Variants in MGAT4C observed in about 807,000 individuals in gnomAD.
The protein encoded by MGAT4C is alpha-1,3-mannosyl-glycoprotein 4-beta-N-acetylglucosaminyltransferase C.
In MGAT4C, 19 loss-of-function variants were observed where a neutral mutation model predicts 40.1. The observed-to-expected ratio is 0.47, with a 90% CI of 0.33 to 0.70. The LOEUF (loss-of-function observed/expected upper bound fraction) is 0.70. Ranked by LOEUF, MGAT4C falls within the 30% of genes least tolerant of loss-of-function variation. The probability of loss-of-function intolerance (pLI) is 0.02; values close to 1 mark genes in which losing one functional copy is unlikely to be tolerated. For synonymous variants in MGAT4C, 181 were observed against 187.1 expected (o/e 0.97, Z 0.27); for missense variants, 491 against 563.2 (o/e 0.87, Z 1.30).
chr12:86,361,023 G>A (rs372457102), intron 3 of MGAT4C, among the ~76,000 whole-genome samples: 1 of 116,068 alleles, frequency 8.6e-6, no homozygotes, highest in African/African-American at 3.2e-5. Flanking sequence ...AGCCTGCATT[G>A]CAAGGACAAT....
intron 1 of MGAT4C, among the ~76,000 whole-genome samples, chr12:86,761,152 T>G (rs1366231479): frequency 6.6e-6 from 1 of 152,194 alleles, no homozygotes. Context: ...TTGAGTTTTG[T>G]GGTTGGCCTC....
At chr12:86,389,583 G>A (rs1429939004) in intron 3 of MGAT4C, among the ~76,000 whole-genome samples, 2 of 152,084 alleles carry the variant, frequency 1.3e-5, no homozygotes, top group Non-Finnish European at 2.9e-5. Flanking sequence ...TGGGTCAAAT[G>A]GTATTTCTGT....
chr12:86,292,170 C>T (rs1953534263), intron 4 of MGAT4C, among the ~76,000 whole-genome samples: 1 of 152,046 alleles, frequency 6.6e-6, no homozygotes, highest in Non-Finnish European at 1.5e-5. Flanking sequence ...ACTGAGATTT[C>T]TGGATGTTTG....
chr12:86,703,088 G>A (rs906175078), intron 2 of MGAT4C, among the ~76,000 whole-genome samples: 2 of 152,092 alleles, frequency 1.3e-5, no homozygotes, highest in Non-Finnish European at 2.9e-5. Flanking sequence ...AAAATGGCAA[G>A]GGAACTAGAG....
intron 1 of MGAT4C, among the ~76,000 whole-genome samples, chr12:86,112,726 A>C (rs1174694490): frequency 6.6e-6 from 1 of 151,832 alleles, no homozygotes; most frequent in Non-Finnish European, 1.5e-5. Context: ...GAAATAATTA[A>C]TGAACTAGAT....
At chr12:86,351,858 C>T (rs1955168299) in intron 3 of MGAT4C, among the ~76,000 whole-genome samples, 1 of 151,958 alleles carries the variant, frequency 6.6e-6, no homozygotes, top group Non-Finnish European at 1.5e-5. Context: ...ACAGTTAAAA[C>T]TGAAACTATT....
At chr12:86,581,709 T>C (rs116738863) in intron 2 of MGAT4C, among the ~76,000 whole-genome samples, 1,930 of 79,418 alleles carry the variant, frequency 0.024, 43 homozygotes, top group African/African-American at 0.065. Context: ...ATGTCTGTTA[T>C]GGATCAATAT....
chr12:86,212,891 CAAAAA>C (rs71076172), intron 1 of MGAT4C, among the ~76,000 whole-genome samples: 425 of 22,376 alleles, frequency 0.019, 2 homozygotes, highest in African/African-American at 0.028. Context: ...GACTCCGTCT[CAAAAA>C]AAAAAAAAAA....
chr12:86,761,706 A>G (rs944953816), intron 1 of MGAT4C, among the ~76,000 whole-genome samples: 2 of 152,070 alleles, frequency 1.3e-5, no homozygotes, highest in Non-Finnish European at 1.5e-5. Context: ...GGCCACCTGT[A>G]TTCCTTGGCT....
At chr12:86,186,353 T>A (rs906313565) in intron 1 of MGAT4C, among the ~76,000 whole-genome samples, 7 of 152,184 alleles carry the variant, frequency 4.6e-5, no homozygotes, top group Non-Finnish European at 1.0e-4. Context: ...ATAACTGACA[T>A]GCTGAGGTCA....
At chr12:85,989,754 T>C (rs1885668794) in intron 2 of MGAT4C, among the ~76,000 whole-genome samples, 1 of 152,056 alleles carries the variant, frequency 6.6e-6, no homozygotes, top group African/African-American at 2.4e-5. Flanking sequence ...TTTATATTAA[T>C]GTAGAGTAAA....
chr12:86,158,080 G>A (rs772875447), intron 1 of MGAT4C, among the ~76,000 whole-genome samples: 1 of 152,068 alleles, frequency 6.6e-6, no homozygotes, highest in Non-Finnish European at 1.5e-5. Flanking sequence ...TATTGAAAAC[G>A]ATACATTTAG....
chr12:86,142,862 T>G (rs1883028447), intron 1 of MGAT4C, among the ~76,000 whole-genome samples: 1 of 152,056 alleles, frequency 6.6e-6, no homozygotes, highest in South Asian at 2.1e-4. Flanking sequence ...GCAACTGTAT[T>G]TGGCGATAGA....
chr12:86,156,722 C>CT (rs1395514046), intron 1 of MGAT4C, among the ~76,000 whole-genome samples: 1 of 152,106 alleles, frequency 6.6e-6, no homozygotes, highest in Non-Finnish European at 1.5e-5. Context: ...TAGAAAAACT[C>CT]TATAAGGTTT....
chr12:86,098,399 T>C (rs1482569040), intron 1 of MGAT4C, among the ~76,000 whole-genome samples: 2 of 151,688 alleles, frequency 1.3e-5, no homozygotes, highest in African/African-American at 2.4e-5. Context: ...TGCAACTACC[T>C]GTAAATTTAC....
intron 1 of MGAT4C, among the ~76,000 whole-genome samples, chr12:86,823,515 C>T (rs1453516572): frequency 6.6e-6 from 1 of 151,012 alleles, no homozygotes; most frequent in Non-Finnish European, 1.5e-5. Flanking sequence ...AGAATTTCAC[C>T]ATCTCTAGGA....
At chr12:86,063,450 G>A (rs918271352) in intron 1 of MGAT4C, among the ~76,000 whole-genome samples, 2 of 152,130 alleles carry the variant, frequency 1.3e-5, no homozygotes, top group Non-Finnish European at 2.9e-5. Context: ...TTGAGACTAT[G>A]AAGAAACTGC....
At chr12:86,469,938 C>G (rs1363539404) in intron 2 of MGAT4C, among the ~76,000 whole-genome samples, 2 of 152,062 alleles carry the variant, frequency 1.3e-5, no homozygotes, top group Non-Finnish European at 2.9e-5. Context: ...AGTTTTTTCT[C>G]AGTATTTTTA....
At chr12:86,349,993 T>C (rs768051775) in intron 3 of MGAT4C, among the ~76,000 whole-genome samples, 6 of 152,052 alleles carry the variant, frequency 3.9e-5, no homozygotes, top group Non-Finnish European at 7.4e-5. Flanking sequence ...TCCAAAGTTA[T>C]ATAAATGTTT....
Sources: gnomAD v4.1 joint callset for allele counts (sites outside exome capture counted in the v4.1 genomes callset) on GRCh38, gnomAD v4.1.1 for gene constraint, MANE v1.5 for transcripts, NCBI Gene and HGNC (gene_info 2026-07-23, HGNC 2026-07-21) for gene names.